The following PRMT3 variants were observed in gnomAD, a reference collection of about 807,000 sequenced individuals.
PRMT3 encodes protein arginine N-methyltransferase 3.
Under a neutral mutation model 71.9 loss-of-function variants are expected in PRMT3, and 62 were observed. That is an observed-to-expected ratio of 0.86 (90% CI 0.70 to 1.07). PRMT3 has a LOEUF of 1.07. Among genes scored for constraint, PRMT3 ranks in the 50% least tolerant of loss-of-function variants. The probability of loss-of-function intolerance (pLI) is 0.00; values close to 1 mark genes in which losing one functional copy is unlikely to be tolerated. For synonymous variants in PRMT3, 213 were observed against 220.4 expected (o/e 0.97, Z 0.30); for missense variants, 663 against 643.0 (o/e 1.03, Z -0.34).
chr11:20,477,114 G>A (rs950573178), intron 13 of PRMT3, among the ~76,000 whole-genome samples: 2 of 152,180 alleles, frequency 1.3e-5, no homozygotes, highest in Non-Finnish European at 2.9e-5. Context: ...GTTTATTACA[G>A]TAAGGATGAC....
chr11:20,470,934 T>G (rs1850629253), intron 13 of PRMT3, among the ~76,000 whole-genome samples: 1 of 152,208 alleles, frequency 6.6e-6, no homozygotes, highest in African/African-American at 2.4e-5. Context: ...CCATTTTGAC[T>G]GGTATAAGAT....
intron 13 of PRMT3, among the ~76,000 whole-genome samples, chr11:20,482,968 G>A (rs919046244): frequency 2.0e-5 from 3 of 151,942 alleles, no homozygotes; most frequent in Non-Finnish European, 4.4e-5. Context: ...TAACAGAAGG[G>A]CTTAGGTGGT....
intron 10 of PRMT3, among the ~76,000 whole-genome samples, chr11:20,443,981 C>T (rs1488148911): frequency 1.3e-5 from 2 of 152,092 alleles, no homozygotes; most frequent in African/African-American, 2.4e-5. Flanking sequence ...AACAGTAGCA[C>T]GCATATAATA....
intron 10 of PRMT3, among the ~76,000 whole-genome samples, chr11:20,446,197 C>T (rs1353281412): frequency 1.3e-5 from 2 of 152,038 alleles, no homozygotes; most frequent in Non-Finnish European, 2.9e-5. Flanking sequence ...TTCATACCTC[C>T]ATAGACTTCT....
At chr11:20,443,556 AATTGTAATAGAT>A (rs1849956609) in intron 10 of PRMT3, among the ~76,000 whole-genome samples, 1 of 152,204 alleles carries the variant, frequency 6.6e-6, no homozygotes, top group Non-Finnish European at 1.5e-5. Flanking sequence ...TGTTTTTAAT[AATTGTAATAGAT>A]ATTCGTTGAG....
At chr11:20,410,136 TA>T (rs985277798) in intron 9 of PRMT3, among the ~76,000 whole-genome samples, 16 of 152,150 alleles carry the variant, frequency 1.1e-4, no homozygotes, top group Non-Finnish European at 2.2e-4. Context: ...ATTGTCTTTG[TA>T]GAAACATGTT....
intron 15 of PRMT3, among the ~76,000 whole-genome samples, chr11:20,500,041 C>A (rs184650397): frequency 1.3e-5 from 2 of 152,270 alleles, no homozygotes; most frequent in Admixed American, 1.3e-4. Context: ...CTTCCAATAT[C>A]CCCCAGCCTG....
At chr11:20,393,233 G>A (rs1363018863) in intron 5 of PRMT3, among the ~76,000 whole-genome samples, 6 of 152,180 alleles carry the variant, frequency 3.9e-5, no homozygotes, top group African/African-American at 1.4e-4. Flanking sequence ...AGATCACGAG[G>A]TCAGGAGATC....
intron 2 of PRMT3, among the ~76,000 whole-genome samples, chr11:20,388,807 C>G (rs1278855758): frequency 6.6e-6 from 1 of 152,238 alleles, no homozygotes; most frequent in African/African-American, 2.4e-5. Flanking sequence ...ATTCTTGCCA[C>G]TTAAAATTCT....
In PRMT3 at chr11:20,404,223, T is replaced by TG. The variant is rs1565196798; in HGVS notation, c.771+1239_771+1240insG. ...GAGACTTTTCATAGTTTTTTTTTTT[T>TG]TTTTTTTTTTTTTTTTTTTTTTTTT... On this transcript the variant is annotated intron_variant, in intron 8 of 15. Transcript: ENST00000331079. Among the ~76,000 whole-genome samples, 5 of 83,528 alleles carry TG rather than the reference T, an allele frequency of 6.0e-5. No individual in the cohort carries two copies. The East Asian group carries it at 2.2e-3, about 37-fold the overall frequency. 54.8% of individuals were successfully genotyped at this position (83,528 alleles called of 152,430 possible).
intron 15 of PRMT3, among the ~76,000 whole-genome samples, chr11:20,507,609 GTCTCTACTAAAAATACAAAA>G (rs1851622142): frequency 6.7e-6 from 1 of 149,892 alleles, no homozygotes; most frequent in African/African-American, 2.5e-5. Context: ...GCAAAACCTT[GTCTCTACTAAAAATACAAAA>G]TTAGCAGGTC....
chr11:20,395,030 C>A (rs1036046105), intron 5 of PRMT3, among the ~76,000 whole-genome samples: 1 of 152,120 alleles, frequency 6.6e-6, no homozygotes, highest in Non-Finnish European at 1.5e-5. Context: ...CCTCCATAAA[C>A]AGATATATAA....
At chr11:20,426,950 T>A in intron 10 of PRMT3, 85 bp downstream of exon 10, 1 of 1,427,046 alleles carries the variant, frequency 7.0e-7, no homozygotes, top group Non-Finnish European at 9.1e-7. Context: ...TTAATTATAT[T>A]TGATACATGG....
chr11:20,488,835 A>C (rs183556384), intron 13 of PRMT3, among the ~76,000 whole-genome samples: 29 of 152,338 alleles, frequency 1.9e-4, no homozygotes, highest in African/African-American at 6.7e-4. Flanking sequence ...ATGAGTGTAT[A>C]TTAAATGAAC....
At chr11:20,414,378 T>C (rs1849256103) in intron 9 of PRMT3, among the ~76,000 whole-genome samples, 1 of 152,164 alleles carries the variant, frequency 6.6e-6, no homozygotes, top group African/African-American at 2.4e-5. Context: ...AATATAGATT[T>C]TCTGAGATGT....
intron 10 of PRMT3, among the ~76,000 whole-genome samples, chr11:20,449,416 AC>A (rs2133383799): frequency 1.3e-5 from 2 of 152,294 alleles, no homozygotes; most frequent in African/African-American, 4.8e-5. Context: ...TAATACACAT[AC>A]TAAATCTTAT....
At chr11:20,416,916 A>G (rs1849317691) in intron 9 of PRMT3, among the ~76,000 whole-genome samples, 1 of 152,128 alleles carries the variant, frequency 6.6e-6, no homozygotes, top group African/African-American at 2.4e-5. Context: ...GAAGGACTGG[A>G]TACTTTAATA....
chr11:20,431,402 C>T (rs75854187), intron 10 of PRMT3, among the ~76,000 whole-genome samples: 4,346 of 152,110 alleles, frequency 0.029, 67 homozygotes, highest in Middle Eastern at 0.044. Flanking sequence ...TTAATACATG[C>T]AAATTTCTTA....
rs766511952 is a variant in PRMT3, at chr11:20,461,965, T to A, written c.1073-15T>A. ...GGAGATAATGCTTAATTGTTGGGCA[T>A]TTTGTTTGTTACAGTCTACCCTGAC... On this transcript the variant is annotated splice_polypyrimidine_tract_variant and intron_variant, in intron 11 of 15. Transcript: ENST00000331079. 1 of 1,500,568 alleles carries A rather than the reference T, an allele frequency of 6.7e-7. No homozygotes were observed. The highest frequency in any genetic ancestry group is 2.0e-5 in the Admixed American group (1 of 51,224). The allele number at this position is 1,500,568 out of a possible 1,614,324, so 93.0% of individuals were successfully genotyped here.
Sources: gnomAD v4.1 joint callset for allele counts (sites outside exome capture counted in the v4.1 genomes callset) on GRCh38, gnomAD v4.1.1 for gene constraint, MANE v1.5 for transcripts, NCBI Gene and HGNC (gene_info 2026-07-23, HGNC 2026-07-21) for gene names.